The following MPHOSPH10 variants were observed in gnomAD, a reference collection of about 807,000 sequenced individuals.
MPHOSPH10 encodes the protein M-phase phosphoprotein 10.
In MPHOSPH10, 33 loss-of-function variants were observed where a neutral mutation model predicts 77.3. The observed-to-expected ratio is 0.43, with a 90% CI of 0.32 to 0.57. The LOEUF is 0.57. MPHOSPH10 is among the 20% of genes least tolerant of loss of function. The probability of loss-of-function intolerance (pLI) is 0.07; values close to 1 mark genes in which losing one functional copy is unlikely to be tolerated. For missense variants in MPHOSPH10, 708 were observed against 780.1 expected (o/e 0.91, Z 1.10); for synonymous variants, 245 against 268.0 (o/e 0.91, Z 0.84).
chr2:71,140,342 A>G (rs1042622047), intron 6 of MPHOSPH10, among the ~76,000 whole-genome samples: 10 of 152,334 alleles, frequency 6.6e-5, no homozygotes, highest in African/African-American at 2.2e-4. Context: ...CAGAGTCCCA[A>G]GGTGGTGCAG....
At chr2:71,146,334 CTT>C (rs778705527) in intron 8 of MPHOSPH10, among the ~76,000 whole-genome samples, 2,121 of 107,194 alleles carry the variant, frequency 0.02, 30 homozygotes, top group African/African-American at 0.071. Context: ...TTTTTTGTGG[CTT>C]TTTTTTTTTT....
chr2:71,131,558 G>C (rs1355718355), intron 1 of MPHOSPH10, among the ~76,000 whole-genome samples: 1 of 152,186 alleles, frequency 6.6e-6, no homozygotes, highest in Non-Finnish European at 1.5e-5. Flanking sequence ...GAGCCACAAG[G>C]CTGTTTATTC....
Position 71,134,800 on chromosome 2 carries a change from A to G in MPHOSPH10, c.1098+3A>G. ...CCTTTGAAAAAAGACAGGAAAAGGT[A>G]ATTAGTAATTTAAGGAATTTTTAAT... On this transcript the variant is annotated splice_donor_region_variant and intron_variant, in intron 4 of 10. Transcript: ENST00000244230. 1.3e-6 allele frequency: 2 copies of G among 1,549,536 alleles called. No homozygotes were observed. The highest frequency in any genetic ancestry group is 2.3e-5 in the South Asian group (2 of 85,268).
At position 71,133,027 on chromosome 2, in the gene MPHOSPH10, T is replaced by C. The variant is rs772465376; in HGVS notation, c.219T>C (p.Asp73=). ...LQKLVIENFD[D]EQIWQQLELQ... The stretch of plus-strand genomic sequence containing the variant: ...AACTTGTGATAGAAAATTTTGATGA[T>C]GAGCAGATTTGGCAACAACTGGAAT... The change falls in exon 2 of 11, where the codon GAT becomes GAC. Residue 73 remains aspartate (D), a synonymous_variant. Transcript: ENST00000244230. The C allele has an allele frequency of 9.9e-6, 16 of 1,614,168 alleles. 1 individual carries two copies. In the South Asian group the frequency reaches 1.8e-4, roughly 18 times the overall value.
rs201907867 is a variant in MPHOSPH10, at chr2:71,148,418, G to A, written c.1665+312G>A. 9.6e-5 allele frequency: 22 copies of A among 229,728 alleles called. No homozygotes were observed. The East Asian group carries it at 2.0e-3, about 20-fold the overall frequency. The allele number at this position is 229,728 out of a possible 1,614,324, so 14.2% of individuals were successfully genotyped here. A position where few individuals can be genotyped will look rare whatever the true frequency, so the allele number is the denominator to read the frequency against. Reference sequence around the variant, plus strand: ...AAGTTGAAAACAAATGGCTTGCATTGCATATATACTAGCAATAGTTTAGTG... The same window carrying A: ...AAGTTGAAAACAAATGGCTTGCATTACATATATACTAGCAATAGTTTAGTG... On this transcript the variant is annotated intron_variant, in intron 9 of 10. Coordinates refer to ENST00000244230, the MANE Select transcript of MPHOSPH10 (RefSeq NM_005791.3).
chr2:71,149,184 C>G, intron 9 of MPHOSPH10, 39 bp from the exon 10 acceptor site: 1 of 1,509,102 alleles, frequency 6.6e-7, no homozygotes, highest in Non-Finnish European at 8.9e-7. Context: ...AGTTGTTAAA[C>G]TTGATGAATG....
intron 7 of MPHOSPH10, among the ~76,000 whole-genome samples, chr2:71,143,362 A>T (rs1200096490): frequency 1.3e-5 from 2 of 151,870 alleles, no homozygotes; most frequent in African/African-American, 4.8e-5. Flanking sequence ...CGATCTCCTG[A>T]CCTCGTGATC....
In MPHOSPH10 at chr2:71,135,254, T is replaced by C. The variant is rs146048382; in HGVS notation, c.1098+457T>C. ...TTCAGTTTGGGGCCTGTGAGTAAAATAGTTGCTTCTGCTGGGCGTGGTGGC... is the reference window on the plus strand; with the variant it reads ...TTCAGTTTGGGGCCTGTGAGTAAAACAGTTGCTTCTGCTGGGCGTGGTGGC... On this transcript the variant is annotated intron_variant, in intron 4 of 10. Transcript: ENST00000244230. Among the ~76,000 whole-genome samples the C allele has an allele frequency of 6.6e-5, 10 of 151,984 alleles. No homozygotes were observed. In the East Asian group the frequency reaches 1.9e-3, roughly 29 times the overall value.
At chr2:71,142,751 C>T (rs187064035) in intron 7 of MPHOSPH10, among the ~76,000 whole-genome samples, 84 of 152,228 alleles carry the variant, frequency 5.5e-4, no homozygotes, top group African/African-American at 1.9e-3. Flanking sequence ...GCAGTAGTAG[C>T]GTGATGCCTG....
chr2:71,133,492 TGAG>T lies in MPHOSPH10; in HGVS notation c.693_695del (p.Glu232del), dbSNP rs768619747. On this transcript the variant is annotated inframe_deletion, in exon 2 of 11. Coordinates refer to ENST00000244230, the MANE Select transcript of MPHOSPH10 (RefSeq NM_005791.3). Reference sequence around the variant, plus strand: ...AAGAGGAACGAAAAGATGATAATGATGAGGAGGAGGAAGATATTGATTTTTTTG... The same window carrying T: ...AAGAGGAACGAAAAGATGATAATGATGAGGAGGAAGATATTGATTTTTTTG... 3,437 of 1,613,296 alleles carry T rather than the reference TGAG, an allele frequency of 2.1e-3. 3 individuals are homozygous for T. Among genetic ancestry groups the T allele is most frequent in the Non-Finnish European group, 2.7e-3 (3,135 of 1,179,498 alleles).
At chr2:71,135,357 C>T (rs957694946) in intron 4 of MPHOSPH10, among the ~76,000 whole-genome samples, 3 of 149,702 alleles carry the variant, frequency 2.0e-5, no homozygotes, top group African/African-American at 7.4e-5. Context: ...ACCAGCCTGG[C>T]TAACATGGTA....
At position 71,150,097 on chromosome 2, in the gene MPHOSPH10, C is replaced by A; in HGVS notation, c.*82C>A. ...TGTTTTATAATAAAATTCTTGAGAA[C>A]CTTCCTTTGCATCGATGACAGATAT... On this transcript the variant is annotated 3_prime_UTR_variant, in exon 11 of 11. Coordinates refer to ENST00000244230, the MANE Select transcript of MPHOSPH10 (RefSeq NM_005791.3). 1 of 835,076 alleles carries A rather than the reference C, an allele frequency of 1.2e-6. No homozygotes were observed. Among genetic ancestry groups the A allele is most frequent in the Non-Finnish European group, 1.7e-6 (1 of 582,852 alleles). 51.7% of individuals were successfully genotyped at this position (835,076 alleles called of 1,614,324 possible).
At chr2:71,135,071 T>C (rs1367527653) in intron 4 of MPHOSPH10, among the ~76,000 whole-genome samples, 1 of 152,074 alleles carries the variant, frequency 6.6e-6, no homozygotes, top group Non-Finnish European at 1.5e-5. Flanking sequence ...GTGTCTGAGG[T>C]GGGAGGATCA....
Position 71,139,845 on chromosome 2 carries a change from C to T in MPHOSPH10, c.1291C>T (p.Gln431Ter). ...TTLQLEDIIK[Q>*]RIRDQAWDDV... is the part of the protein sequence containing the mutation. ...CCTTCAACTGGAAGATATCATTAAA[C>T]AGAGGATAAGAGATCAGGTCAGTAA... The change falls in exon 6 of 11, where the codon CAG becomes TAG. Residue 431 changes from glutamine to a stop codon, truncating the protein, a stop_gained. Coordinates refer to ENST00000244230, the MANE Select transcript of MPHOSPH10 (RefSeq NM_005791.3). LOFTEE classifies it high-confidence loss of function. The T allele has an allele frequency of 6.2e-7, 1 of 1,605,998 alleles. No homozygotes were observed.
chr2:71,142,577 C>G (rs1673632574), intron 7 of MPHOSPH10, among the ~76,000 whole-genome samples: 1 of 152,208 alleles, frequency 6.6e-6, no homozygotes, highest in Admixed American at 6.5e-5. Flanking sequence ...GTAAACAGCA[C>G]ATGTAGGACC....
chr2:71,132,896 AG>A lies in MPHOSPH10; in HGVS notation c.90del, dbSNP rs771053476. 6.3e-7 allele frequency: 1 copy of A among 1,592,540 alleles called. No individual in the cohort carries two copies. Among genetic ancestry groups the A allele is most frequent in the African/African-American group, 1.4e-5 (1 of 73,962 alleles). ...TAAATCTCACTTAATTCCTCCCAATAGGATTCAAGAGGGATTGGCATCAAAG... is the reference window on the plus strand; with the variant it reads ...TAAATCTCACTTAATTCCTCCCAATAGATTCAAGAGGGATTGGCATCAAAG... On this transcript the variant is annotated splice_acceptor_variant, in intron 1 of 10. Coordinates refer to ENST00000244230, the MANE Select transcript of MPHOSPH10 (RefSeq NM_005791.3). LOFTEE classifies it high-confidence loss of function.
chr2:71,138,523 T>A lies in MPHOSPH10; in HGVS notation c.1132T>A (p.Leu378Met). ...AAAAATTGCATCTTTAGAAAAAGAGTTGTTAGAAAAAAAGCCGTGGCAGCT... is the reference window on the plus strand; with the variant it reads ...AAAAATTGCATCTTTAGAAAAAGAGATGTTAGAAAAAAAGCCGTGGCAGCT... ...NEKIASLEKELLEKKPWQLQG... is the reference protein window; with the variant it reads ...NEKIASLEKEMLEKKPWQLQG... The change falls in exon 5 of 11, where the codon TTG becomes ATG. Residue 378 changes from leucine (L) to methionine (M), a missense_variant. Coordinates refer to ENST00000244230, the MANE Select transcript of MPHOSPH10 (RefSeq NM_005791.3). The A allele has an allele frequency of 6.3e-7, 1 of 1,596,902 alleles. No individual in the cohort carries two copies. Among genetic ancestry groups the A allele is most frequent in the South Asian group, 1.1e-5 (1 of 88,154 alleles).
chr2:71,149,066 AC>A lies in MPHOSPH10; in HGVS notation c.1666-156del. Reference sequence around the variant, plus strand: ...CAGGTTTTAAAGAGCTGAGTTACCAACGCTCATTGGAATGCAGGTGGGGATT... The same window carrying A: ...CAGGTTTTAAAGAGCTGAGTTACCAAGCTCATTGGAATGCAGGTGGGGATT... On this transcript the variant is annotated intron_variant, in intron 9 of 10. Coordinates refer to ENST00000244230, the MANE Select transcript of MPHOSPH10 (RefSeq NM_005791.3). 9.1e-6 allele frequency: 6 copies of A among 656,708 alleles called. No homozygotes were observed. In the South Asian group the frequency reaches 1.2e-4, roughly 13 times the overall value. 40.7% of individuals were successfully genotyped at this position (656,708 alleles called of 1,614,324 possible).
intron 4 of MPHOSPH10, among the ~76,000 whole-genome samples, chr2:71,135,905 A>G (rs950959314): frequency 1.3e-5 from 2 of 151,856 alleles, no homozygotes; most frequent in Admixed American, 6.6e-5. Flanking sequence ...GGGTTTCACC[A>G]TGTTGGCCAG....
Sources: allele counts gnomAD v4.1 joint callset (sites outside exome capture counted in the v4.1 genomes callset), GRCh38; gene constraint gnomAD v4.1.1; transcripts MANE v1.5; gene names NCBI Gene and HGNC (gene_info 2026-07-23, HGNC 2026-07-21).